Variants in SPIN2A observed in about 807,000 individuals in gnomAD.
SPIN2A encodes spindlin-2A.
SPIN2A carries 4 observed loss-of-function variants against 9.2 expected under a neutral mutation model. The observed-to-expected ratio is 0.44, with a 90% confidence interval of 0.21 to 1.00. SPIN2A has a LOEUF of 1.00. Among genes scored for constraint, SPIN2A ranks in the 50% least tolerant of loss-of-function variants. The probability of loss-of-function intolerance (pLI) is 0.26; values close to 1 mark genes in which losing one functional copy is unlikely to be tolerated. For synonymous variants in SPIN2A, 25 were observed against 61.2 expected, an observed-to-expected ratio of 0.41 and a Z score of 2.76; for missense variants, 77 against 172.8, an observed-to-expected ratio of 0.45 and a Z score of 3.11.
the SPIN2A span, among the ~76,000 whole-genome samples, chrX:57,145,253 T>TGC: frequency 1.9e-5 from 2 of 102,901 alleles, no homozygotes; most frequent in African/African-American, 7.8e-5. Context: ...ATCATTCTTT[T>TGC]GGGGGGGGGT....
the SPIN2A span, among the ~76,000 whole-genome samples, chrX:57,143,574 T>C: frequency 9.0e-6 from 1 of 110,588 alleles, no homozygotes; most frequent in Non-Finnish European, 1.9e-5. Context: ...CCCCCCAGGC[T>C]CAAGTGATCC....
At chrX:57,143,122 T>C in the SPIN2A span, among the ~76,000 whole-genome samples, 1 of 111,389 alleles carries the variant, frequency 9.0e-6, no homozygotes, top group Non-Finnish European at 1.9e-5. Context: ...TTATTACGGA[T>C]AGGTAAGGAC....
At chrX:57,140,785 A>G (rs994682935), upstream of SPIN2A, among the ~76,000 whole-genome samples, 5 of 111,395 alleles carry the variant, frequency 4.5e-5, no homozygotes, top group African/African-American at 9.8e-5. Flanking sequence ...AAATGGGTGC[A>G]TATGGGCATA....
chrX:57,140,417 C>CAA (rs60570721), upstream of SPIN2A, among the ~76,000 whole-genome samples: 2,818 of 64,735 alleles, frequency 0.044, 76 homozygotes, highest in African/African-American at 0.07. Flanking sequence ...CCATCTCTAC[C>CAA]AAAAAAAAAA....
At chrX:57,145,164 A>T in the SPIN2A span, among the ~76,000 whole-genome samples, 2 of 110,689 alleles carry the variant, frequency 1.8e-5, no homozygotes. Flanking sequence ...ACTAGTTTAC[A>T]TTCCCACCAG....
upstream of SPIN2A, among the ~76,000 whole-genome samples, chrX:57,141,915 G>T (rs1361884417): frequency 9.1e-6 from 1 of 110,476 alleles, no homozygotes; most frequent in African/African-American, 3.3e-5. Context: ...AGTTCCACAT[G>T]CATTAGCTAT....
chrX:57,137,237 C>T (rs1927843367), intron 1 of SPIN2A, 23 bp downstream of exon 1: 1 of 761,144 alleles, frequency 1.3e-6, no homozygotes, highest in Non-Finnish European at 1.6e-6. Context: ...GGATCGCGGG[C>T]CTCACGTGCC....
At chrX:57,136,918 C>T in intron 1 of SPIN2A, 1 of 736,184 alleles carries the variant, frequency 1.4e-6, no homozygotes, top group Non-Finnish European at 1.9e-6. Flanking sequence ...CACTCCCAAT[C>T]CCCTGCAAAG....
the SPIN2A span, among the ~76,000 whole-genome samples, chrX:57,145,644 T>C: frequency 8.9e-6 from 1 of 112,206 alleles, no homozygotes; most frequent in Admixed American, 9.4e-5. Flanking sequence ...AGCCAATGTC[T>C]AGAAGGATTT....
At chrX:57,138,424 A>G, upstream of SPIN2A, among the ~76,000 whole-genome samples, 1 of 110,401 alleles carries the variant, frequency 9.1e-6, no homozygotes, top group Non-Finnish European at 1.9e-5. Context: ...ATTTTATTAT[A>G]TATATATATA....
At chrX:57,144,853 A>G in the SPIN2A span, among the ~76,000 whole-genome samples, 1 of 109,541 alleles carries the variant, frequency 9.1e-6, no homozygotes, top group African/African-American at 3.3e-5. Context: ...CCGTTAATTC[A>G]TTCCTTTTTA....
At chrX:57,143,449 A>G in the SPIN2A span, among the ~76,000 whole-genome samples, 1 of 110,046 alleles carries the variant, frequency 9.1e-6, no homozygotes, top group South Asian at 3.9e-4. Flanking sequence ...ATATCTTTTT[A>G]TATTGTCTGT....
chrX:57,142,732 G>A, the SPIN2A span, among the ~76,000 whole-genome samples: 1 of 110,987 alleles, frequency 9.0e-6, no homozygotes, highest in East Asian at 2.8e-4. Context: ...TATCGTTTTG[G>A]GATCTACCTC....
downstream of SPIN2A, chrX:57,135,556 A>T: frequency 2.1e-6 from 1 of 470,310 alleles, no homozygotes. Flanking sequence ...AACTTTATTC[A>T]CAGCCGAAAT....
At chrX:57,138,814 C>T (rs1232902491), upstream of SPIN2A, among the ~76,000 whole-genome samples, 1 of 111,651 alleles carries the variant, frequency 9.0e-6, no homozygotes, top group Non-Finnish European at 1.9e-5. Context: ...TGATGATTAG[C>T]GATTTAGAAT....
chrX:57,140,885 A>G (rs764689573), upstream of SPIN2A, among the ~76,000 whole-genome samples: 12 of 111,628 alleles, frequency 1.1e-4, no homozygotes, highest in Non-Finnish European at 1.9e-4. Context: ...TATGTTAGCT[A>G]TTTGGGTGAT....
upstream of SPIN2A, among the ~76,000 whole-genome samples, chrX:57,140,664 T>C (rs1195486054): frequency 9.5e-6 from 1 of 105,483 alleles, no homozygotes; most frequent in Admixed American, 1.0e-4. Context: ...GAAAATAAAA[T>C]CATGCCCTTT....
At chrX:57,144,915 T>C in the SPIN2A span, among the ~76,000 whole-genome samples, 1 of 84,533 alleles carries the variant, frequency 1.2e-5, no homozygotes, top group Non-Finnish European at 2.1e-5. Context: ...TATATGTATG[T>C]GTGTGCATAC....
chrX:57,147,041 C>A, the SPIN2A span, among the ~76,000 whole-genome samples: 8 of 110,887 alleles, frequency 7.2e-5, no homozygotes, highest in African/African-American at 2.0e-4. Context: ...TTGGTTATGT[C>A]TTTTCCCGGT....
Sources: allele counts gnomAD v4.1 joint callset (sites outside exome capture counted in the v4.1 genomes callset), GRCh38; gene constraint gnomAD v4.1.1; transcripts MANE v1.5; gene names NCBI Gene and HGNC (gene_info 2026-07-23, HGNC 2026-07-21).